Variants in ZNF251 observed in about 807,000 individuals in gnomAD.
ZNF251 encodes the protein zinc finger protein 251.
A neutral mutation model predicts 13.5 loss-of-function variants in ZNF251; 14 were observed. The ratio of observed to expected loss-of-function variants is 1.04; its 90% CI spans 0.69 to 1.63. ZNF251 has a LOEUF of 1.63. ZNF251 is among the 40% of genes most tolerant of loss of function. The pLI is 0.00. For synonymous variants in ZNF251, 287 were observed against 295.2 expected, an observed-to-expected ratio of 0.97 and a Z score of 0.28; for missense variants, 764 against 834.9, an observed-to-expected ratio of 0.92 and a Z score of 1.05.
intron 4 of ZNF251, among the ~76,000 whole-genome samples, chr8:144,752,160 A>T (rs1484064949): frequency 1.3e-5 from 2 of 150,428 alleles, no homozygotes; most frequent in East Asian, 3.9e-4. Flanking sequence ...AAAAAAAATC[A>T]GCAAGGATAC....
At chr8:144,738,645 G>C in intron 4 of ZNF251, 2 of 985,424 alleles carry the variant, frequency 2.0e-6, no homozygotes, top group Non-Finnish European at 2.4e-6. Flanking sequence ...CATAGATTTA[G>C]ACTCAGTCAG....
At chr8:144,754,564 C>T (rs1824864850) in intron 2 of ZNF251, 132 bp downstream of exon 2, 3 of 1,460,730 alleles carry the variant, frequency 2.1e-6, no homozygotes, top group Non-Finnish European at 2.7e-6. Flanking sequence ...CTCTCAGAAC[C>T]CTTTCCTCAC....
intron 4 of ZNF251, among the ~76,000 whole-genome samples, chr8:144,737,466 G>T (rs1437464997): frequency 6.7e-6 from 1 of 149,734 alleles, no homozygotes; most frequent in Non-Finnish European, 1.5e-5. Flanking sequence ...TGCAGATCTC[G>T]CCACTGCACT....
chr8:144,747,859 G>T (rs1174295943), intron 4 of ZNF251, among the ~76,000 whole-genome samples: 1 of 152,080 alleles, frequency 6.6e-6, no homozygotes, highest in African/African-American at 2.4e-5. Context: ...TGATCCACCC[G>T]CCTCGGCCTC....
chr8:144,732,835 T>C (rs975852709), intron 4 of ZNF251, among the ~76,000 whole-genome samples: 2 of 149,742 alleles, frequency 1.3e-5, no homozygotes, highest in Admixed American at 6.7e-5. Context: ...AAAAAATACA[T>C]TGGACAGCCT....
At chr8:144,736,210 CT>C (rs34554206) in intron 4 of ZNF251, among the ~76,000 whole-genome samples, 75,249 of 151,974 alleles carry the variant, frequency 0.5, 18,815 homozygotes, top group African/African-American at 0.56. Flanking sequence ...ACCCTCCCTC[CT>C]TTCCCGACTT....
chr8:144,733,083 G>C (rs180860894), intron 4 of ZNF251, among the ~76,000 whole-genome samples: 1 of 151,978 alleles, frequency 6.6e-6, no homozygotes, highest in Admixed American at 6.6e-5. Flanking sequence ...TTAGCCAGGC[G>C]TGGTGGCATA....
At chr8:144,724,689 G>A (rs1022320339) in intron 4 of ZNF251, among the ~76,000 whole-genome samples, 2 of 152,098 alleles carry the variant, frequency 1.3e-5, no homozygotes, top group Admixed American at 6.5e-5. Flanking sequence ...GTCCAAAAAC[G>A]GGGCTGTTTA....
chr8:144,731,753 A>AT (rs1438712129), intron 4 of ZNF251, among the ~76,000 whole-genome samples: 3 of 151,492 alleles, frequency 2.0e-5, no homozygotes, highest in Non-Finnish European at 4.4e-5. Context: ...CGCCCTGCTG[A>AT]TTTTTTGTAT....
At chr8:144,733,250 T>C (rs1823774341) in intron 4 of ZNF251, among the ~76,000 whole-genome samples, 1 of 151,656 alleles carries the variant, frequency 6.6e-6, no homozygotes, top group Admixed American at 6.6e-5. Flanking sequence ...GTTGATAAAA[T>C]ATTACTTAAG....
chr8:144,742,847 C>T (rs1442981541), intron 4 of ZNF251, among the ~76,000 whole-genome samples: 2 of 152,184 alleles, frequency 1.3e-5, no homozygotes, highest in Non-Finnish European at 2.9e-5. Flanking sequence ...AGTTCCACAG[C>T]TGGCCTTTCA....
At chr8:144,751,578 C>CA (rs1243472367) in intron 4 of ZNF251, among the ~76,000 whole-genome samples, 2 of 151,564 alleles carry the variant, frequency 1.3e-5, no homozygotes, top group African/African-American at 4.9e-5. Flanking sequence ...ATGTAAAAAG[C>CA]AAATAATAAA....
At chr8:144,749,549 T>G (rs772009609) in intron 4 of ZNF251, among the ~76,000 whole-genome samples, 6 of 152,246 alleles carry the variant, frequency 3.9e-5, no homozygotes, top group Admixed American at 1.3e-4. Flanking sequence ...CTACCACATT[T>G]GTTACCATTT....
Position 144,722,392 on chromosome 8 carries a change from T to C in ZNF251, c.1268A>G (p.His423Arg). The C allele has an allele frequency of 6.2e-7, 1 of 1,613,964 alleles. No individual in the cohort carries two copies. The highest frequency in any genetic ancestry group is 1.1e-5 in the South Asian group (1 of 91,066). Residue 423 changes from histidine to arginine, a missense_variant, in exon 5 of 5, where the codon CAC (histidine) becomes CGC (arginine). Physicochemically the swap from His to Arg is conservative, Grantham distance 29 (BLOSUM62 0). Transcript: ENST00000292562. The surrounding 1 kb of genome is among the most constrained non-coding windows in gnomAD (Gnocchi z 4.8). ...AFGFNSHLTEHVRIHTGEKPY... is the reference protein window; with the variant it reads ...AFGFNSHLTERVRIHTGEKPY... ...TTTTTCTCCTGTGTGAATCCTTACG[T>C]GTTCAGTAAGATGAGAGTTAAAACC...
chr8:144,754,241 C>A lies in ZNF251; in HGVS notation c.114G>T (p.Ala38=), dbSNP rs749862786. The change falls in exon 3 of 5, where the codon GCG becomes GCT. Residue 38 remains alanine (A), a synonymous_variant. Coordinates refer to ENST00000292562, the MANE Select transcript of ZNF251 (RefSeq NM_138367.2). ...TCTCCAGCATCACATCCCGGTAGAG[C>A]GCCCGCTGCTGGGGGCCCAGCTGCC... is the stretch of plus-strand genomic sequence containing the variant. ...EGRQLGPQQR[A]LYRDVMLENY... The A allele has an allele frequency of 6.2e-7, 1 of 1,614,018 alleles. No homozygotes were observed. The highest frequency in any genetic ancestry group is 8.5e-7 in the Non-Finnish European group (1 of 1,179,960).
chr8:144,754,682 G>A lies in ZNF251; in HGVS notation c.33+14C>T. 1 of 1,605,396 alleles carries A rather than the reference G, an allele frequency of 6.2e-7. No homozygotes were observed. The highest frequency in any genetic ancestry group is 8.5e-7 in the Non-Finnish European group (1 of 1,175,876). On this transcript the variant is annotated intron_variant, in intron 2 of 4. Transcript: ENST00000292562. ...TGAAGATGAAGAGGTGGGCAGGAAG[G>A]AGGGTTAACTCACCTGGTGCCCTGG... is the stretch of plus-strand genomic sequence containing the variant.
intron 4 of ZNF251, among the ~76,000 whole-genome samples, chr8:144,725,415 C>T (rs115072794): frequency 1.3e-5 from 2 of 152,010 alleles, no homozygotes; most frequent in South Asian, 2.1e-4. Flanking sequence ...TTCAGGCTCC[C>T]GAGTAGCTGG....
At chr8:144,735,492 C>G (rs1471575715) in intron 4 of ZNF251, among the ~76,000 whole-genome samples, 1 of 152,076 alleles carries the variant, frequency 6.6e-6, no homozygotes, top group African/African-American at 2.4e-5. Flanking sequence ...CGCTCACTCC[C>G]ACAGAAATGT....
chr8:144,753,870 C>A, intron 3 of ZNF251, 74 bp from the exon 4 acceptor site: 1 of 1,174,212 alleles, frequency 8.5e-7, no homozygotes. Flanking sequence ...AGAGATGGGC[C>A]CTGTGTGCAC....
Sources: allele counts gnomAD v4.1 joint callset (sites outside exome capture counted in the v4.1 genomes callset), GRCh38; gene constraint gnomAD v4.1.1; non-coding constraint Gnocchi (gnomAD v3.1); transcripts MANE v1.5; gene names NCBI Gene and HGNC (gene_info 2026-07-23, HGNC 2026-07-21).